The following GRIA2 variants were observed in gnomAD, a reference collection of about 807,000 sequenced individuals.
GRIA2 encodes the protein glutamate receptor 2.
In GRIA2, 14 loss-of-function variants were observed where a neutral mutation model predicts 97.3. The ratio of observed to expected loss-of-function variants is 0.14; its 90% CI spans 0.10 to 0.23. GRIA2 has a LOEUF of 0.23. Ranked by LOEUF, GRIA2 falls within the 10% of genes least tolerant of loss-of-function variation. The probability of loss-of-function intolerance (pLI) is 1.00; values close to 1 mark genes in which losing one functional copy is unlikely to be tolerated. For synonymous variants in GRIA2, 412 were observed against 387.8 expected (o/e 1.06, Z -0.73); for missense variants, 558 against 1,069.8 (o/e 0.52, Z 6.67).
chr4:157,259,703 C>G (rs1434649334), intron 2 of GRIA2, among the ~76,000 whole-genome samples: 3 of 152,092 alleles, frequency 2.0e-5, no homozygotes, highest in Non-Finnish European at 1.5e-5. Flanking sequence ...CACTGCTGTT[C>G]CTATTTGAAA....
intron 12 of GRIA2, among the ~76,000 whole-genome samples, chr4:157,356,810 A>G (rs757466429): frequency 6.6e-6 from 1 of 151,872 alleles, no homozygotes; most frequent in Non-Finnish European, 1.5e-5. Context: ...AGTGGATCCG[A>G]TGATTGTAGT....
intron 2 of GRIA2, among the ~76,000 whole-genome samples, chr4:157,266,178 A>C (rs1731759449): frequency 1.3e-5 from 2 of 152,144 alleles, no homozygotes; most frequent in Admixed American, 1.3e-4. Flanking sequence ...AGAGGCTCAT[A>C]AAACATCCAA....
chr4:157,230,844 CTTTTA>C (rs918407872), intron 2 of GRIA2, among the ~76,000 whole-genome samples: 1 of 151,138 alleles, frequency 6.6e-6, no homozygotes, highest in Non-Finnish European at 1.5e-5. Context: ...ATTTTTTTTC[CTTTTA>C]TTTTATTTTA....
At chr4:157,274,375 T>A (rs928116247) in intron 2 of GRIA2, among the ~76,000 whole-genome samples, 3 of 152,016 alleles carry the variant, frequency 2.0e-5, no homozygotes, top group South Asian at 2.1e-4. Flanking sequence ...TCTTTTTTTT[T>A]AATTATTATA....
intron 4 of GRIA2, among the ~76,000 whole-genome samples, chr4:157,315,527 G>GT (rs963880883): frequency 5.3e-5 from 8 of 150,116 alleles, no homozygotes; most frequent in African/African-American, 1.5e-4. Flanking sequence ...TTGTTTGTTT[G>GT]TTTGTTTTGT....
intron 2 of GRIA2, among the ~76,000 whole-genome samples, chr4:157,257,535 A>C (rs1276994761): frequency 6.6e-6 from 1 of 152,136 alleles, no homozygotes; most frequent in East Asian, 1.9e-4. Flanking sequence ...AATTTAACGA[A>C]AAATTTCTGA....
intron 6 of GRIA2, among the ~76,000 whole-genome samples, chr4:157,328,845 A>T (rs1321801449): frequency 6.6e-6 from 1 of 152,022 alleles, no homozygotes; most frequent in African/African-American, 2.4e-5. Context: ...GAAAATTAAA[A>T]TTATTTTATT....
rs538981621 is a variant in GRIA2, at chr4:157,336,613, C to A, written c.1710C>A (p.Tyr570Ter). ...VLFLVSRFSP[Y>*]EWHTEEFEDG... The stretch of plus-strand genomic sequence containing the variant: ...TCCTGGTCAGCAGATTTAGCCCCTA[C>A]GAGTGGCACACTGAGGAGTTTGAAG... Residue 570 changes from tyrosine (Y) to a stop codon, truncating the protein, a stop_gained, in exon 11 of 16, where the codon TAC (tyrosine) becomes TAA (stop). Coordinates refer to ENST00000264426, the MANE Select transcript of GRIA2 (RefSeq NM_001083619.3). LOFTEE classifies it high-confidence loss of function. The A allele has an allele frequency of 6.2e-7, 1 of 1,613,384 alleles. No homozygotes were observed. The highest frequency in any genetic ancestry group is 8.5e-7 in the Non-Finnish European group (1 of 1,179,546).
At chr4:157,271,061 G>T (rs1455170101) in intron 2 of GRIA2, among the ~76,000 whole-genome samples, 1 of 151,858 alleles carries the variant, frequency 6.6e-6, no homozygotes, top group East Asian at 1.9e-4. Context: ...TTAGAATATA[G>T]ATTATTACTG....
At chr4:157,327,531 T>A (rs551331278) in intron 6 of GRIA2, among the ~76,000 whole-genome samples, 4 of 152,254 alleles carry the variant, frequency 2.6e-5, no homozygotes, top group African/African-American at 9.6e-5. Flanking sequence ...TATAAAGATA[T>A]TTCCCACTAT....
At position 157,321,581 on chromosome 4, in the gene GRIA2, T is replaced by G; in HGVS notation, c.864T>G (p.Ala288=). 1 of 1,609,726 alleles carries G rather than the reference T, an allele frequency of 6.2e-7. No homozygotes were observed. The highest frequency in any genetic ancestry group is 8.5e-7 in the Non-Finnish European group (1 of 1,177,330). The change falls in exon 6 of 16, where the codon GCT becomes GCG. Residue 288 remains alanine (A), a synonymous_variant. Transcript: ENST00000264426. Reference sequence around the variant, plus strand: ...TGGAAGAAAAAGAATACCCTGGAGCTCACACAACAACAATTAAGGTTTGCT... The same window carrying G: ...TGGAAGAAAAAGAATACCCTGGAGCGCACACAACAACAATTAAGGTTTGCT... The part of the protein sequence containing the change: ...STLEEKEYPG[A]HTTTIKYTSA...
intron 2 of GRIA2, among the ~76,000 whole-genome samples, chr4:157,238,414 G>A (rs902661268): frequency 2.6e-5 from 4 of 152,100 alleles, no homozygotes; most frequent in Admixed American, 2.0e-4. Flanking sequence ...AAAGTGGAAA[G>A]ATTTTAACTT....
At position 157,317,690 on chromosome 4, in the gene GRIA2, C is replaced by T. The variant is rs1734386587; in HGVS notation, c.699C>T (p.Tyr233=). ...VITIGKHVKG[Y]HYIIANLGFT... Reference sequence around the variant, plus strand: ...CCATTGGAAAACATGTTAAAGGGTACCACTACATCATTGCAAATCTGGTAG... The same window carrying T: ...CCATTGGAAAACATGTTAAAGGGTATCACTACATCATTGCAAATCTGGTAG... Residue 233 remains tyrosine, a synonymous_variant, in exon 5 of 16, where the codon TAC becomes TAT. Transcript: ENST00000264426. The T allele has an allele frequency of 2.4e-6, 3 of 1,225,302 alleles. No individual in the cohort carries two copies. The highest frequency in any genetic ancestry group is 3.6e-6 in the Non-Finnish European group (3 of 833,240). 75.9% of individuals were successfully genotyped at this position (1,225,302 alleles called of 1,614,324 possible).
chr4:157,325,381 A>G (rs113021296), intron 6 of GRIA2, among the ~76,000 whole-genome samples: 27 of 152,248 alleles, frequency 1.8e-4, no homozygotes, highest in African/African-American at 6.0e-4. Flanking sequence ...CTAATTTGCT[A>G]TTTGGGGCAA....
chr4:157,344,162 C>T (rs1185883177), intron 12 of GRIA2, among the ~76,000 whole-genome samples: 6 of 151,916 alleles, frequency 3.9e-5, no homozygotes, highest in Non-Finnish European at 8.8e-5. Flanking sequence ...ATTTTAAAGA[C>T]AAAAATATTT....
Position 157,321,522 on chromosome 4 carries a change from T to C in GRIA2, c.805T>C (p.Leu269=), listed in dbSNP as rs78266960. The change falls in exon 6 of 16, where the codon TTG becomes CTG. Residue 269 remains leucine, a synonymous_variant. Coordinates refer to ENST00000264426, the MANE Select transcript of GRIA2 (RefSeq NM_001083619.3). ...TCAGATAGTGGACTATGATGATTCG[T>C]TGGTATCTAAATTTATAGAAAGATG... ...GFQIVDYDDS[L]VSKFIERWST... 4.6e-4 allele frequency: 731 copies of C among 1,606,536 alleles called. 1 individual carries two copies. The African/African-American group carries it at 8.8e-3, about 19-fold the overall frequency.
intron 12 of GRIA2, among the ~76,000 whole-genome samples, chr4:157,358,525 G>C (rs1437237765): frequency 6.6e-6 from 1 of 152,120 alleles, no homozygotes; most frequent in Admixed American, 6.6e-5. Flanking sequence ...TAAGTATTAA[G>C]AAGTAAGGAA....
At chr4:157,307,779 G>C (rs1579350588) in intron 3 of GRIA2, among the ~76,000 whole-genome samples, 1 of 152,152 alleles carries the variant, frequency 6.6e-6, no homozygotes, top group East Asian at 1.9e-4. Flanking sequence ...GTATATCTTG[G>C]TTTCAATATC....
chr4:157,263,310 T>C (rs1347045245), intron 2 of GRIA2, among the ~76,000 whole-genome samples: 4 of 152,124 alleles, frequency 2.6e-5, no homozygotes, highest in Non-Finnish European at 5.9e-5. Flanking sequence ...GACTGTTTTA[T>C]ATTTGCCTTC....
Sources: allele counts gnomAD v4.1 joint callset (sites outside exome capture counted in the v4.1 genomes callset), GRCh38; gene constraint gnomAD v4.1.1; transcripts MANE v1.5; gene names NCBI Gene and HGNC (gene_info 2026-07-23, HGNC 2026-07-21).